Variants in CTNNA1 observed in about 807,000 individuals in gnomAD.
The protein encoded by CTNNA1 is catenin alpha 1, also known as catenin alpha-1.
Under a neutral mutation model 98.4 loss-of-function variants are expected in CTNNA1, and 37 were observed. That is an observed-to-expected ratio of 0.38 (90% CI 0.29 to 0.49). The LOEUF (loss-of-function observed/expected upper bound fraction) is 0.49, where lower values mean the gene tolerates loss of function less well. Ranked by LOEUF, CTNNA1 falls within the 20% of genes least tolerant of loss-of-function variation. The pLI, the probability that CTNNA1 is intolerant of heterozygous loss-of-function variation, is 0.95. For synonymous variants in CTNNA1, 404 were observed against 413.2 expected (o/e 0.98, Z 0.27); for missense variants, 761 against 1,147.2 (o/e 0.66, Z 4.86).
chr5:138,929,431 ACAC>A (rs1764834411), intron 14 of CTNNA1, 75 bp downstream of exon 14: 1 of 754,272 alleles, frequency 1.3e-6, no homozygotes. Context: ...TTCCAGGAAA[ACAC>A]CCTCAGTATT....
intron 1 of CTNNA1, among the ~76,000 whole-genome samples, chr5:138,773,350 A>G (rs1333981629): frequency 6.6e-6 from 1 of 152,250 alleles, no homozygotes; most frequent in Non-Finnish European, 1.5e-5. Context: ...TTTGAGCTGA[A>G]ATCTGAAAGT....
chr5:138,875,124 G>C (rs934595564), intron 7 of CTNNA1: 1 of 509,668 alleles, frequency 2.0e-6, no homozygotes, highest in Non-Finnish European at 3.4e-6. Flanking sequence ...TGATTGCTCT[G>C]ATCCCTAAAT....
chr5:138,920,348 C>G (rs1291753837), intron 11 of CTNNA1, among the ~76,000 whole-genome samples: 1 of 152,214 alleles, frequency 6.6e-6, no homozygotes, highest in Non-Finnish European at 1.5e-5. Context: ...ACAGCCTAGG[C>G]AGGTGTCATC....
At chr5:138,837,314 G>A (rs1334398991) in intron 7 of CTNNA1, among the ~76,000 whole-genome samples, 1 of 151,942 alleles carries the variant, frequency 6.6e-6, no homozygotes, top group African/African-American at 2.4e-5. Context: ...GTGGTCTAGG[G>A]GTTGACAAAT....
rs192358516 is a variant in CTNNA1 at position 138,910,384 on chromosome 5, A to G, written c.1389+5943A>G. Among the ~76,000 whole-genome samples, 3 of 151,360 alleles carry G rather than the reference A, an allele frequency of 2.0e-5. No individual in the cohort carries two copies. The East Asian group carries it at 5.8e-4, about 29-fold the overall frequency. ...TGGGAAGGTTTTTAATGATGACTGC[A>G]GTTTCTTTAATAGACAGGGATATTT... On this transcript the variant is annotated intron_variant, in intron 10 of 17. Coordinates refer to ENST00000302763, the MANE Select transcript of CTNNA1 (RefSeq NM_001903.5).
At chr5:138,905,275 G>A (rs115530339) in intron 10 of CTNNA1, among the ~76,000 whole-genome samples, 297 of 152,252 alleles carry the variant, frequency 2.0e-3, no homozygotes, top group African/African-American at 6.9e-3. Flanking sequence ...TGGTGACAGA[G>A]TGAGACCTTG....
At chr5:138,917,968 G>A in intron 11 of CTNNA1, 70 bp downstream of exon 11, 1 of 1,439,128 alleles carries the variant, frequency 6.9e-7, no homozygotes, top group Non-Finnish European at 9.7e-7. Context: ...TTGTATTAAT[G>A]GGCAAACACT....
At chr5:138,818,176 C>T (rs1759637958) in intron 5 of CTNNA1, among the ~76,000 whole-genome samples, 2 of 150,406 alleles carry the variant, frequency 1.3e-5, no homozygotes, top group South Asian at 4.3e-4. Flanking sequence ...GTCGCCCAGG[C>T]CAGAGTGCAG....
intron 1 of CTNNA1, among the ~76,000 whole-genome samples, chr5:138,764,868 C>CTTTTTTTTTTTTTTT (rs35354499): frequency 3.5e-5 from 3 of 84,940 alleles, no homozygotes; most frequent in African/African-American, 4.7e-5. Context: ...GTATCTCTCT[C>CTTTTTTTTTTTTTTT]TTTTTTTTTT....
rs569275685 is a variant in CTNNA1, at chr5:138,874,980, G to GCT, written c.1063-11229_1063-11228dup. 735 of 1,551,698 alleles carry GCT rather than the reference G, an allele frequency of 4.7e-4. 2 individuals are homozygous for GCT. The highest frequency in any genetic ancestry group is 3.4e-3 in the Middle Eastern group (20 of 5,936). On this transcript the variant is annotated intron_variant, in intron 7 of 17. Coordinates refer to ENST00000302763, the MANE Select transcript of CTNNA1 (RefSeq NM_001903.5). The surrounding 1 kb of genome is among the most constrained non-coding windows in gnomAD (Gnocchi z 4.1). ...ACTCAACGCAGTGAGTCTGTAAAAG[G>GCT]CTCTAACATGTAGGAGCCTTTGACC...
intron 10 of CTNNA1, among the ~76,000 whole-genome samples, chr5:138,910,076 C>A (rs902569524): frequency 1.3e-5 from 2 of 152,126 alleles, no homozygotes; most frequent in African/African-American, 2.4e-5. Context: ...TTTCTGTATC[C>A]TCCCATCTCT....
chr5:138,793,119 C>G (rs1245420644), intron 3 of CTNNA1, among the ~76,000 whole-genome samples: 6 of 152,188 alleles, frequency 3.9e-5, no homozygotes, highest in African/African-American at 1.4e-4. Context: ...GTTATTGACC[C>G]CATTCCTTCA....
intron 5 of CTNNA1, among the ~76,000 whole-genome samples, chr5:138,819,630 A>G (rs1189893608): frequency 6.6e-6 from 1 of 152,124 alleles, no homozygotes; most frequent in Non-Finnish European, 1.5e-5. Context: ...CACTTCTGCT[A>G]AAGCACTTGG....
chr5:138,884,187 G>A (rs1753541237), intron 7 of CTNNA1, among the ~76,000 whole-genome samples: 1 of 152,156 alleles, frequency 6.6e-6, no homozygotes, highest in Non-Finnish European at 1.5e-5. Flanking sequence ...AGGGTTGGTG[G>A]GGGGCTTCCA....
intron 3 of CTNNA1, among the ~76,000 whole-genome samples, chr5:138,795,865 A>C (rs748521079): frequency 6.6e-6 from 1 of 152,226 alleles, no homozygotes; most frequent in Non-Finnish European, 1.5e-5. Context: ...AAAAAGAAAA[A>C]AAATGAAAAC....
chr5:138,906,480 T>C (rs1759289042), intron 10 of CTNNA1, among the ~76,000 whole-genome samples: 1 of 152,208 alleles, frequency 6.6e-6, no homozygotes, highest in African/African-American at 2.4e-5. Flanking sequence ...TTCACAAATC[T>C]GTGGAAACAG....
At chr5:138,836,813 G>GTAA (rs1260290703) in intron 7 of CTNNA1, among the ~76,000 whole-genome samples, 1 of 152,126 alleles carries the variant, frequency 6.6e-6, no homozygotes, top group Non-Finnish European at 1.5e-5. Context: ...GAATTAACAG[G>GTAA]TAATAACCTC....
chr5:138,894,601 T>A (rs1032730735), intron 9 of CTNNA1, among the ~76,000 whole-genome samples: 1 of 152,058 alleles, frequency 6.6e-6, no homozygotes, highest in Non-Finnish European at 1.5e-5. Context: ...ACCTCCCTAG[T>A]CTGCACTGCC....
chr5:138,802,974 T>C (rs1336482813), intron 3 of CTNNA1, among the ~76,000 whole-genome samples: 1 of 152,018 alleles, frequency 6.6e-6, no homozygotes, highest in Non-Finnish European at 1.5e-5. Flanking sequence ...ATTAATTTTT[T>C]TTTTTTAAAT....
Sources: allele counts gnomAD v4.1 joint callset (sites outside exome capture counted in the v4.1 genomes callset), GRCh38; gene constraint gnomAD v4.1.1; non-coding constraint Gnocchi (gnomAD v3.1); transcripts MANE v1.5; gene names NCBI Gene and HGNC (gene_info 2026-07-23, HGNC 2026-07-21).